Variants in TRPM5 observed in about 807,000 individuals in gnomAD.
The protein encoded by TRPM5 is transient receptor potential cation channel subfamily M member 5, also known as MLSN1 and TRP-related.
A neutral mutation model predicts 124.9 loss-of-function variants in TRPM5; 121 were observed. The observed-to-expected ratio is 0.97, with a 90% CI of 0.84 to 1.13. The LOEUF (loss-of-function observed/expected upper bound fraction) is 1.13. Ranked by LOEUF, TRPM5 falls within the 50% of genes most tolerant of loss-of-function variation. TRPM5 has a pLI of 0.00. For synonymous variants in TRPM5, 781 were observed against 700.5 expected (o/e 1.11, Z -1.81); for missense variants, 1,643 against 1,589.1 (o/e 1.03, Z -0.58).
upstream of TRPM5, among the ~76,000 whole-genome samples, chr11:2,425,196 C>T (rs79071059): frequency 6.6e-6 from 1 of 152,252 alleles, no homozygotes; most frequent in African/African-American, 2.4e-5. Context: ...CAAAGGGCCA[C>T]ACTCTCGGGG....
chr11:2,414,009 G>GGCCGCCCC, intron 12 of TRPM5, 52 bp downstream of exon 17: 1 of 1,023,734 alleles, frequency 9.8e-7, no homozygotes, highest in Non-Finnish European at 1.4e-6. Flanking sequence ...GGCCCAGCTC[G>GGCCGCCCC]CCCGCCCACC....
At chr11:2,436,889 G>A in the TRPM5 span, among the ~76,000 whole-genome samples, 2 of 152,224 alleles carry the variant, frequency 1.3e-5, no homozygotes, top group African/African-American at 2.4e-5. Flanking sequence ...CAAAGTGAAC[G>A]CAGCCAGAAG....
chr11:2,414,872 C>G, intron 10 of TRPM5, 34 bp from the exon 16 acceptor site: 1 of 1,592,892 alleles, frequency 6.3e-7, no homozygotes, highest in South Asian at 1.1e-5. Flanking sequence ...CCGCCCCTCC[C>G]CTGCCCCCGC....
chr11:2,418,179 G>A (rs769046435), exon 6 of TRPM5: 2 of 1,573,188 alleles, frequency 1.3e-6, no homozygotes, highest in East Asian at 4.6e-5. Flanking sequence ...GCTTGGTCCA[G>A]CGCACGATGT....
chr11:2,413,070 G>T (rs1476208474), intron 14 of TRPM5, 58 bp from the exon 20 acceptor site: 3 of 1,546,860 alleles, frequency 1.9e-6, no homozygotes, highest in Non-Finnish European at 2.6e-6. Flanking sequence ...TGCCCCACCA[G>T]AGTCCAGCCT....
chr11:2,423,000 C>CG lies in TRPM5; in HGVS notation c.36dup (p.Gly13ArgfsTer4). ...AGCTCCCGCCGGTCTTCAGCATCCC[C>CG]GGGGCTTCCGGGACGGGGGCCTTGG... On this transcript the variant is annotated frameshift_variant, in exon 1 of 24. Transcript: ENST00000155858. LOFTEE classifies it high-confidence loss of function. 2.5e-6 allele frequency: 4 copies of CG among 1,612,790 alleles called. No individual in the cohort carries two copies. The highest frequency in any genetic ancestry group is 3.4e-6 in the Non-Finnish European group (4 of 1,179,818).
intron 23 of TRPM5, 98 bp downstream of exon 28, chr11:2,405,429 A>C (rs2133494793): frequency 1.6e-6 from 2 of 1,274,972 alleles, no homozygotes; most frequent in African/African-American, 1.5e-5. Flanking sequence ...CGGGCCAGGC[A>C]GGGAAGGCAG....
exon 4 of TRPM5, chr11:2,420,318 G>A (rs748634219): frequency 1.2e-6 from 2 of 1,612,784 alleles, no homozygotes; most frequent in South Asian, 2.2e-5. Context: ...GGCTCCACCA[G>A]GATGAAGTGG....
the TRPM5 span, among the ~76,000 whole-genome samples, chr11:2,433,103 G>A: frequency 1.3e-5 from 2 of 152,246 alleles, no homozygotes; most frequent in African/African-American, 4.8e-5. Flanking sequence ...CACCATCCTT[G>A]CAGCATCACC....
At chr11:2,442,256 G>T in the TRPM5 span, among the ~76,000 whole-genome samples, 2 of 152,124 alleles carry the variant, frequency 1.3e-5, no homozygotes, top group Non-Finnish European at 2.9e-5. The surrounding 1 kb of genome is among the most constrained non-coding windows in gnomAD (Gnocchi z 5.9). Flanking sequence ...TAGCTGAGGA[G>T]TCTATGCTAA....
the TRPM5 span, among the ~76,000 whole-genome samples, chr11:2,435,794 C>G: frequency 5.9e-5 from 9 of 152,200 alleles, no homozygotes; most frequent in African/African-American, 2.2e-4. The surrounding 1 kb of genome is among the most constrained non-coding windows in gnomAD (Gnocchi z 4.1). Flanking sequence ...TCTCTCTACC[C>G]GTCTGTCCAT....
chr11:2,404,852 C>T (rs566270543), exon 24 of TRPM5: 100 of 1,182,892 alleles, frequency 8.5e-5, no homozygotes, highest in East Asian at 1.2e-4. Context: ...TGGGGGGTTC[C>T]GCTGGAGGTC....
chr11:2,421,188 G>C (rs1337463471), exon 3 of TRPM5: 1 of 1,538,908 alleles, frequency 6.5e-7, no homozygotes, highest in African/African-American at 1.4e-5. Context: ...CACTGGTCAG[G>C]ATCCAGGCTC....
the TRPM5 span, among the ~76,000 whole-genome samples, chr11:2,436,545 G>T: frequency 6.6e-6 from 1 of 152,240 alleles, no homozygotes; most frequent in African/African-American, 2.4e-5. Context: ...TAGGTGGCAG[G>T]CTGCTGCCCT....
the TRPM5 span, among the ~76,000 whole-genome samples, chr11:2,441,349 C>T: frequency 6.6e-6 from 1 of 152,140 alleles, no homozygotes; most frequent in South Asian, 2.1e-4. The surrounding 1 kb of genome is among the most constrained non-coding windows in gnomAD (Gnocchi z 7.2). Context: ...CCACTGGGCT[C>T]GGTCAGGCCC....
chr11:2,428,808 T>C, the TRPM5 span, among the ~76,000 whole-genome samples: 3 of 150,988 alleles, frequency 2.0e-5, no homozygotes, highest in South Asian at 2.1e-4. This position sits in a 1 kb window ranked among gnomAD's most constrained non-coding sequence, Gnocchi z 4.0. Flanking sequence ...GTGGTGATGA[T>C]TGTGGTGGGG....
chr11:2,420,455 C>CG, intron 3 of TRPM5, 50 bp from the exon 9 acceptor site: 1 of 1,464,990 alleles, frequency 6.8e-7, no homozygotes, highest in Non-Finnish European at 9.1e-7. Flanking sequence ...GCAGCTTGGG[C>CG]TGGTCCCGCT....
At chr11:2,415,166 G>A in exon 9 of TRPM5, 1 of 1,581,808 alleles carries the variant, frequency 6.3e-7, no homozygotes, top group Non-Finnish European at 8.6e-7. Flanking sequence ...AGAAGCCTCG[G>A]CAGGCGTCCT....
intron 23 of TRPM5, 39 bp downstream of exon 28, chr11:2,405,488 C>CA: frequency 6.5e-7 from 1 of 1,545,550 alleles, no homozygotes; most frequent in Non-Finnish European, 8.7e-7. Flanking sequence ...AGTGGGTGCC[C>CA]ATGCCCACCC....
Sources: gnomAD v4.1 joint callset for allele counts (sites outside exome capture counted in the v4.1 genomes callset) on GRCh38, gnomAD v4.1.1 for gene constraint, Gnocchi (gnomAD v3.1) non-coding constraint, MANE v1.5 for transcripts, NCBI Gene and HGNC (gene_info 2026-07-23, HGNC 2026-07-21) for gene names.